TMEM169: variants seen among roughly 807,000 people sequenced by gnomAD.
TMEM169 encodes the protein transmembrane protein 169.
Under a neutral mutation model 27.3 loss-of-function variants are expected in TMEM169, and 18 were observed. The observed-to-expected ratio is 0.66, with a 90% CI of 0.46 to 0.98. The LOEUF is 0.98. Ranked by LOEUF, TMEM169 falls within the 50% of genes least tolerant of loss-of-function variation. TMEM169 has a pLI of 0.00. For synonymous variants in TMEM169, 136 were observed against 142.1 expected (o/e 0.96, Z 0.30); for missense variants, 320 against 368.6 (o/e 0.87, Z 1.08).
intron 1 of TMEM169, among the ~76,000 whole-genome samples, chr2:216,093,251 A>C (rs1559227167): frequency 6.6e-6 from 1 of 151,750 alleles, no homozygotes; most frequent in Non-Finnish European, 1.5e-5. Context: ...TCCTCTGTGT[A>C]GAAGCCACTT....
intron 2 of TMEM169, among the ~76,000 whole-genome samples, chr2:216,098,656 T>A (rs1696313867): frequency 6.6e-6 from 1 of 152,040 alleles, no homozygotes; most frequent in Non-Finnish European, 1.5e-5. Flanking sequence ...TATTTTCCCA[T>A]CCCCACCCAG....
intron 2 of TMEM169, among the ~76,000 whole-genome samples, chr2:216,099,000 A>C (rs868823811): frequency 1.7e-4 from 24 of 137,214 alleles, no homozygotes; most frequent in Admixed American, 2.3e-4. Flanking sequence ...TAGTGTATAT[A>C]TGTGGAATGT....
In TMEM169 at chr2:216,101,548, G is replaced by A. The variant is rs1696394836; in HGVS notation, c.*1006G>A. ...GGCTGGAGTGCAGTGGCACTATCTC[G>A]GCTCACTGCAACCTTCGCCTCCTGG... On this transcript the variant is annotated 3_prime_UTR_variant, in exon 3 of 3. Transcript: ENST00000437356. 6.6e-6 allele frequency: 1 copy of A among 152,294 alleles called. No homozygotes were observed. Among genetic ancestry groups the A allele is most frequent in the Non-Finnish European group, 1.5e-5 (1 of 68,132 alleles). 9.4% of individuals were successfully genotyped at this position (152,294 alleles called of 1,614,324 possible).
intron 2 of TMEM169, among the ~76,000 whole-genome samples, chr2:216,097,574 C>A (rs1296305744): frequency 2.6e-5 from 4 of 151,674 alleles, no homozygotes; most frequent in Non-Finnish European, 4.4e-5. Context: ...GACAACATCT[C>A]GAAAAAATAA....
rs758961018 is a variant in TMEM169, at chr2:216,101,848, T to C, written c.*1306T>C. ...ATTCAGAACCCCCAAACTGCTAATATGGTTTTATTTATTTATTTATTCATT... is the reference window on the plus strand; with the variant it reads ...ATTCAGAACCCCCAAACTGCTAATACGGTTTTATTTATTTATTTATTCATT... On this transcript the variant is annotated 3_prime_UTR_variant, in exon 3 of 3. Transcript: ENST00000437356. 2 of 152,040 alleles carry C rather than the reference T, an allele frequency of 1.3e-5. No individual in the cohort carries two copies. Among genetic ancestry groups the C allele is most frequent in the Non-Finnish European group, 2.9e-5 (2 of 68,040 alleles). The allele number at this position is 152,040 out of a possible 1,614,324, so 9.4% of individuals were successfully genotyped here.
intron 1 of TMEM169, among the ~76,000 whole-genome samples, chr2:216,094,774 GA>G (rs959078579): frequency 2.7e-5 from 4 of 150,788 alleles, no homozygotes; most frequent in Admixed American, 1.3e-4. Flanking sequence ...AAGTTACCAG[GA>G]AAAAAAAATG....
chr2:216,089,011 A>T (rs1341937431), intron 1 of TMEM169, among the ~76,000 whole-genome samples: 1 of 152,244 alleles, frequency 6.6e-6, no homozygotes, highest in Non-Finnish European at 1.5e-5. Flanking sequence ...GTGTGCAGGA[A>T]GGCTGTATAT....
In TMEM169 at chr2:216,101,631, A is replaced by G. The variant is rs1343675862; in HGVS notation, c.*1089A>G. The G allele has an allele frequency of 3.3e-5, 5 of 150,886 alleles. No individual in the cohort carries two copies. Among genetic ancestry groups the G allele is most frequent in the Non-Finnish European group, 7.4e-5 (5 of 67,982 alleles). The allele number at this position is 150,886 out of a possible 1,614,324, so 9.3% of individuals were successfully genotyped here. On this transcript the variant is annotated 3_prime_UTR_variant, in exon 3 of 3. Coordinates refer to ENST00000437356, the MANE Select transcript of TMEM169 (RefSeq NM_001142311.2). ...GTAGCTGGGATTACAGGTGCGTGCC[A>G]CCATACCCGGCTAATTTTTGTATTT...
Position 216,096,243 on chromosome 2 carries a change from C to A in TMEM169, c.271+9C>A. The A allele has an allele frequency of 6.2e-7, 1 of 1,608,796 alleles. No individual in the cohort carries two copies. The highest frequency in any genetic ancestry group is 1.1e-5 in the South Asian group (1 of 90,518). On this transcript the variant is annotated intron_variant, in intron 2 of 2. Transcript: ENST00000437356. Reference sequence around the variant, plus strand: ...CTATCCTGTGGATGATGGTAAGTCTCTCTAGCCCACTTGTTTAAAGCCATG... The same window carrying A: ...CTATCCTGTGGATGATGGTAAGTCTATCTAGCCCACTTGTTTAAAGCCATG...
intron 1 of TMEM169, among the ~76,000 whole-genome samples, chr2:216,091,578 A>AAAAAAAAG (rs746507441): frequency 4.4e-5 from 5 of 113,362 alleles, no homozygotes; most frequent in Non-Finnish European, 6.8e-5. Flanking sequence ...AAAAAAAAAA[A>AAAAAAAAG]AGAGAGAGAC....
In TMEM169 at chr2:216,100,060, T is replaced by A. The variant is rs756677762; in HGVS notation, c.412T>A (p.Ser138Thr). The change falls in exon 3 of 3, where the codon TCA (serine) becomes ACA (threonine). Residue 138 changes from serine (S) to threonine (T), a missense_variant. Ser to Thr is a moderately conservative substitution (Grantham distance 58). Coordinates refer to ENST00000437356, the MANE Select transcript of TMEM169 (RefSeq NM_001142311.2). Reference protein sequence around the residue: ...ELQELTKPKESSRETTPEGRM... With the variant: ...ELQELTKPKETSRETTPEGRM... Reference sequence around the variant, plus strand: ...GCAGGAACTGACCAAACCTAAAGAGTCATCAAGGGAAACGACGCCTGAAGG... The same window carrying A: ...GCAGGAACTGACCAAACCTAAAGAGACATCAAGGGAAACGACGCCTGAAGG... 1.2e-6 allele frequency: 2 copies of A among 1,613,768 alleles called. No homozygotes were observed. The highest frequency in any genetic ancestry group is 4.5e-5 in the East Asian group (2 of 44,856).
intron 2 of TMEM169, 109 bp downstream of exon 2, chr2:216,096,343 TTTC>T (rs1007056989): frequency 3.1e-6 from 4 of 1,297,206 alleles, no homozygotes; most frequent in Non-Finnish European, 4.3e-6. Flanking sequence ...TGGTGATACA[TTTC>T]TTCTTGCAAT....
intron 2 of TMEM169, among the ~76,000 whole-genome samples, chr2:216,096,626 A>C (rs2105987036): frequency 6.6e-6 from 1 of 152,260 alleles, no homozygotes; most frequent in Non-Finnish European, 1.5e-5. Flanking sequence ...CAGCCTCCCA[A>C]AGTGCTGGGA....
At chr2:216,085,195 G>T (rs1200735581) in intron 1 of TMEM169, among the ~76,000 whole-genome samples, 5 of 152,096 alleles carry the variant, frequency 3.3e-5, no homozygotes, top group African/African-American at 1.2e-4. Flanking sequence ...TTTCTGGCTG[G>T]GTGGCTCATG....
intron 1 of TMEM169, among the ~76,000 whole-genome samples, chr2:216,085,284 G>A (rs112135445): frequency 0.019 from 2,864 of 152,184 alleles, 95 homozygotes; most frequent in African/African-American, 0.065. Context: ...GGTGGCACAC[G>A]CCTGTAATCT....
Position 216,100,101 on chromosome 2 carries a change from G to C in TMEM169, c.453G>C (p.Gln151His), listed in dbSNP as rs142551536. 5 of 1,614,224 alleles carry C rather than the reference G, an allele frequency of 3.1e-6. No homozygotes were observed. The highest frequency in any genetic ancestry group is 4.2e-6 in the Non-Finnish European group (5 of 1,180,040). ...ETTPEGRMACQMGADRGPHVV... is the reference protein window; with the variant it reads ...ETTPEGRMACHMGADRGPHVV... The stretch of plus-strand genomic sequence containing the variant: ...CGCCTGAAGGAAGAATGGCCTGCCA[G>C]ATGGGAGCTGACCGTGGGCCCCATG... The change falls in exon 3 of 3, where the codon CAG (glutamine) becomes CAC (histidine). Residue 151 changes from glutamine (Q) to histidine (H), a missense_variant. Physicochemically the swap from Gln to His is conservative, Grantham distance 24. Coordinates refer to ENST00000437356, the MANE Select transcript of TMEM169 (RefSeq NM_001142311.2).
In TMEM169 at chr2:216,101,736, G is replaced by T. The variant is rs1234786127; in HGVS notation, c.*1194G>T. Reference sequence around the variant, plus strand: ...GACCTCAGGTGATCCGCCTGCCTCGGCCTCCCAAAATGCTGGGATTGTAGG... The same window carrying T: ...GACCTCAGGTGATCCGCCTGCCTCGTCCTCCCAAAATGCTGGGATTGTAGG... On this transcript the variant is annotated 3_prime_UTR_variant, in exon 3 of 3. Coordinates refer to ENST00000437356, the MANE Select transcript of TMEM169 (RefSeq NM_001142311.2). 1 of 152,094 alleles carries T rather than the reference G, an allele frequency of 6.6e-6. No individual in the cohort carries two copies. The highest frequency in any genetic ancestry group is 1.5e-5 in the Non-Finnish European group (1 of 68,022). The allele number at this position is 152,094 out of a possible 1,614,324, so 9.4% of individuals were successfully genotyped here.
rs1215028166 is a variant in TMEM169 at position 216,101,355 on chromosome 2, T to C, written c.*813T>C. 6.6e-6 allele frequency: 1 copy of C among 152,284 alleles called. No individual in the cohort carries two copies. The highest frequency in any genetic ancestry group is 2.4e-5 in the African/African-American group (1 of 41,462). The allele number at this position is 152,284 out of a possible 1,614,324, so 9.4% of individuals were successfully genotyped here. ...CATTGGCAAGACCTCAGTCACATGA[T>C]GTCATGAGCAAAAGAGGCTGGAAAT... On this transcript the variant is annotated 3_prime_UTR_variant, in exon 3 of 3. Coordinates refer to ENST00000437356, the MANE Select transcript of TMEM169 (RefSeq NM_001142311.2).
intron 2 of TMEM169, among the ~76,000 whole-genome samples, chr2:216,096,567 G>A (rs1386702041): frequency 6.6e-6 from 1 of 152,162 alleles, no homozygotes; most frequent in South Asian, 2.1e-4. Flanking sequence ...GTTTCACCAT[G>A]TTGTCCAGGT....
Sources: allele counts gnomAD v4.1 joint callset (sites outside exome capture counted in the v4.1 genomes callset), GRCh38; gene constraint gnomAD v4.1.1; transcripts MANE v1.5; gene names NCBI Gene and HGNC (gene_info 2026-07-23, HGNC 2026-07-21).